The following AIM2 variants were observed in gnomAD, a reference collection of about 807,000 sequenced individuals.
AIM2 encodes the protein absent in melanoma 2.
Under a neutral mutation model 27.7 loss-of-function variants are expected in AIM2, and 30 were observed. The observed-to-expected ratio is 1.08, with a 90% CI of 0.81 to 1.47. The LOEUF (loss-of-function observed/expected upper bound fraction) is 1.47, where lower values mean the gene tolerates loss of function less well. Ranked by LOEUF, AIM2 falls within the 40% of genes most tolerant of loss-of-function variation. AIM2 has a pLI of 0.00. For synonymous variants in AIM2, 141 were observed against 145.3 expected (o/e 0.97, Z 0.21); for missense variants, 358 against 411.3 (o/e 0.87, Z 1.12).
intron 1 of AIM2, among the ~76,000 whole-genome samples, chr1:159,119,959 CAT>C (rs1478841194): frequency 2.6e-5 from 4 of 152,058 alleles, no homozygotes; most frequent in African/African-American, 9.6e-5. Context: ...GCATATAATA[CAT>C]GATATACATT....
chr1:159,092,250 G>A (rs944369435), intron 1 of AIM2, among the ~76,000 whole-genome samples: 4 of 152,172 alleles, frequency 2.6e-5, no homozygotes, highest in Non-Finnish European at 4.4e-5. Context: ...CTCAGGAAAT[G>A]ATTCACCATG....
At chr1:159,103,102 G>A (rs1657350882) in intron 1 of AIM2, among the ~76,000 whole-genome samples, 2 of 152,150 alleles carry the variant, frequency 1.3e-5, no homozygotes, top group African/African-American at 4.8e-5. Flanking sequence ...TGGATCATGG[G>A]AGTTGTTTCC....
chr1:159,143,829 G>T (rs1648157253), upstream of AIM2, among the ~76,000 whole-genome samples: 4 of 152,108 alleles, frequency 2.6e-5, 1 homozygote, highest in South Asian at 8.3e-4. Flanking sequence ...ATGATGGAGA[G>T]ATATATCATG....
Position 159,063,470 on chromosome 1 carries a change from T to A in AIM2, c.1005+16A>T. On this transcript the variant is annotated intron_variant, in intron 5 of 5. Transcript: ENST00000368130. Reference sequence around the variant, plus strand: ...CACCCCCTTGGAGAGTTGACTTTGTTCCATGCAGTTCCCACCTTTATGGTG... The same window carrying A: ...CACCCCCTTGGAGAGTTGACTTTGTACCATGCAGTTCCCACCTTTATGGTG... 6.3e-7 allele frequency: 1 copy of A among 1,598,720 alleles called. No individual in the cohort carries two copies. The highest frequency in any genetic ancestry group is 1.4e-5 in the African/African-American group (1 of 73,950).
intron 1 of AIM2, among the ~76,000 whole-genome samples, chr1:159,084,633 C>T (rs1656858441): frequency 6.6e-6 from 1 of 152,128 alleles, no homozygotes; most frequent in East Asian, 1.9e-4. Context: ...ATTAGCAGGG[C>T]TTGGTGACAC....
chr1:159,088,351 A>G lies in AIM2; in HGVS notation c.-15-22022T>C, dbSNP rs531767469. On this transcript the variant is annotated intron_variant, in intron 1 of 2. Coordinates refer to the AIM2 transcript ENST00000368129. ...ATGAGAGGAAGGAATGCCAGGATTCAGGAGCTGCATGAGTCAGCTGGGCCC... is the reference window on the plus strand; with the variant it reads ...ATGAGAGGAAGGAATGCCAGGATTCGGGAGCTGCATGAGTCAGCTGGGCCC... Among the ~76,000 whole-genome samples, 8 of 152,324 alleles carry G rather than the reference A, an allele frequency of 5.3e-5. No individual in the cohort carries two copies. The South Asian group carries it at 1.7e-3, about 32-fold the overall frequency.
intron 1 of AIM2, among the ~76,000 whole-genome samples, chr1:159,074,260 C>T (rs936748530): frequency 2.0e-5 from 3 of 152,076 alleles, no homozygotes; most frequent in African/African-American, 7.2e-5. Context: ...AAATCTTTTC[C>T]AATCTCAAGA....
chr1:159,144,102 T>C (rs1334529032), upstream of AIM2, among the ~76,000 whole-genome samples: 1 of 152,204 alleles, frequency 6.6e-6, no homozygotes, highest in East Asian at 1.9e-4. Flanking sequence ...CACTAACATA[T>C]GCTACTGATA....
chr1:159,122,205 G>C (rs976492192), intron 1 of AIM2: 1 of 152,044 alleles, frequency 6.6e-6, no homozygotes, highest in South Asian at 2.1e-4. Context: ...AAATCCCAAT[G>C]GTTTAACACT....
chr1:159,139,564 C>T (rs1186242755), intron 1 of AIM2, among the ~76,000 whole-genome samples: 2 of 152,186 alleles, frequency 1.3e-5, no homozygotes, highest in East Asian at 1.9e-4. Context: ...TGCAGATGTT[C>T]GGCAACTTGG....
rs541289798 is a variant in AIM2 at position 159,073,992 on chromosome 1, T to A, written c.-20-473A>T. On this transcript the variant is annotated intron_variant, in intron 1 of 5. Transcript: ENST00000368130. ...AGGTGGAGGTTGCAGTGAGCCAAGATCGCGCCATTGCACTCCAGCCTGGGC... is the reference window on the plus strand; with the variant it reads ...AGGTGGAGGTTGCAGTGAGCCAAGAACGCGCCATTGCACTCCAGCCTGGGC... Among the ~76,000 whole-genome samples the A allele has an allele frequency of 1.4e-4, 21 of 152,102 alleles. No individual in the cohort carries two copies. The South Asian group carries it at 3.9e-3, about 29-fold the overall frequency.
intron 2 of AIM2, among the ~76,000 whole-genome samples, chr1:159,070,609 G>A (rs1656312072): frequency 1.3e-5 from 2 of 152,168 alleles, no homozygotes. Context: ...AAATAGCAAG[G>A]CAATCACTGA....
At chr1:159,100,209 AC>A (rs1211178804) in intron 1 of AIM2, among the ~76,000 whole-genome samples, 1 of 152,166 alleles carries the variant, frequency 6.6e-6, no homozygotes, top group Non-Finnish European at 1.5e-5. Flanking sequence ...GACTTTTGCA[AC>A]CCTTAGCCAC....
intron 1 of AIM2, among the ~76,000 whole-genome samples, chr1:159,133,484 C>T (rs2102052303): frequency 6.6e-6 from 1 of 152,304 alleles, no homozygotes; most frequent in Middle Eastern, 3.4e-3. Flanking sequence ...CATGCCCACA[C>T]TTCTAAAAGT....
chr1:159,131,361 G>A (rs995906249), intron 1 of AIM2, among the ~76,000 whole-genome samples: 1 of 152,056 alleles, frequency 6.6e-6, no homozygotes, highest in African/African-American at 2.4e-5. Context: ...ATATGTATAT[G>A]TATACATATG....
chr1:159,134,787 G>A (rs755834551), intron 1 of AIM2, among the ~76,000 whole-genome samples: 8 of 152,056 alleles, frequency 5.3e-5, no homozygotes, highest in Non-Finnish European at 7.4e-5. Flanking sequence ...AGCTGAGATC[G>A]CGACATTGCA....
At chr1:159,135,598 C>T (rs975198710) in intron 1 of AIM2, among the ~76,000 whole-genome samples, 3 of 152,102 alleles carry the variant, frequency 2.0e-5, no homozygotes, top group Non-Finnish European at 4.4e-5. Flanking sequence ...TAAAAAGCAC[C>T]GTTAGAAGTT....
intron 1 of AIM2, among the ~76,000 whole-genome samples, chr1:159,117,485 C>A (rs1433862861): frequency 1.3e-5 from 2 of 152,004 alleles, no homozygotes; most frequent in Non-Finnish European, 2.9e-5. Flanking sequence ...CAGAGAAGCA[C>A]CAGGCTATCC....
chr1:159,059,549 A>C (rs1432958645), downstream of AIM2, among the ~76,000 whole-genome samples: 5 of 152,192 alleles, frequency 3.3e-5, no homozygotes, highest in African/African-American at 9.6e-5. Context: ...TCTAAGAAAA[A>C]GGACTGTTTT....
Sources: allele counts gnomAD v4.1 joint callset (sites outside exome capture counted in the v4.1 genomes callset), GRCh38; gene constraint gnomAD v4.1.1; transcripts MANE v1.5; gene names NCBI Gene and HGNC (gene_info 2026-07-23, HGNC 2026-07-21).